FER1L5: variants seen among roughly 807,000 people sequenced by gnomAD.
FER1L5 encodes fer-1 like family member 5.
In FER1L5, 187 loss-of-function variants were observed where a neutral mutation model predicts 279.9. The observed-to-expected ratio is 0.67, with a 90% CI of 0.59 to 0.75. FER1L5 has a LOEUF of 0.75. FER1L5 is among the 30% of genes least tolerant of loss of function. The pLI is 0.00. For missense variants in FER1L5, 2,091 were observed against 2,594.4 expected (o/e 0.81, Z 4.21); for synonymous variants, 921 against 989.7 (o/e 0.93, Z 1.30).
Position 96,694,464 on chromosome 2 carries a change from G to A in FER1L5, c.3741G>A (p.Glu1247=). 1.9e-6 allele frequency: 3 copies of A among 1,541,796 alleles called. No individual in the cohort carries two copies. The highest frequency in any genetic ancestry group is 1.2e-5 in the South Asian group (1 of 82,234). The change falls in exon 34 of 53, where the codon GAG becomes GAA. Residue 1247 remains glutamate (E), a splice_region_variant and synonymous_variant. Transcript: ENST00000624922. The surrounding 1 kb of genome is among the most constrained non-coding windows in gnomAD (Gnocchi z 4.6). Reference sequence around the variant, plus strand: ...CCACGATAAAGAGGATGGCCATTGAGGTGCTGGCGATGTGGGATGGGGACG... The same window carrying A: ...CCACGATAAAGAGGATGGCCATTGAAGTGCTGGCGATGTGGGATGGGGACG... ...IQPTIKRMAI[E]ILAWGLRNMK...
At chr2:96,670,058 G>A in intron 17 of FER1L5, 61 bp from the exon 18 acceptor site, 1 of 1,546,124 alleles carries the variant, frequency 6.5e-7, no homozygotes, top group Non-Finnish European at 8.7e-7. Flanking sequence ...GGGTTTCAAA[G>A]GAGATTGGCC....
chr2:96,663,623 G>T, intron 14 of FER1L5, 116 bp downstream of exon 14: 1 of 1,132,830 alleles, frequency 8.8e-7, no homozygotes. Flanking sequence ...ATGGCAAGGG[G>T]GACTCTGCCT....
At position 96,646,418 on chromosome 2, in the gene FER1L5, C is replaced by G. The variant is rs933893005; in HGVS notation, c.103C>G (p.Arg35Gly). The G allele has an allele frequency of 6.4e-7, 1 of 1,551,684 alleles. No individual in the cohort carries two copies. Among genetic ancestry groups the G allele is most frequent in the South Asian group, 1.2e-5 (1 of 84,048 alleles). ...IDFRDIKKRT[R>G]VVEGNDPVWN... The stretch of plus-strand genomic sequence containing the variant: ...CTTTGCAGATATCAAGAAAAGAACT[C>G]GTGTGGTGGAAGGGAATGATCCCGT... Residue 35 changes from arginine to glycine, a missense_variant, in exon 2 of 53, where the codon CGT (arginine) becomes GGT (glycine). Coordinates refer to ENST00000624922, the MANE Select transcript of FER1L5 (RefSeq NM_001293083.2).
Position 96,694,087 on chromosome 2 carries a change from G to A in FER1L5, c.3636+15G>A, listed in dbSNP as rs1324673112. On this transcript the variant is annotated intron_variant, in intron 33 of 52. Coordinates refer to ENST00000624922, the MANE Select transcript of FER1L5 (RefSeq NM_001293083.2). The surrounding 1 kb of genome is among the most constrained non-coding windows in gnomAD (Gnocchi z 4.6). ...TCCAGACTGAGGTATTGGGAGAGAG[G>A]GCCTGGCTGGGAAGTGTGGCACTCA... 6.5e-7 allele frequency: 1 copy of A among 1,534,944 alleles called. No homozygotes were observed. Among genetic ancestry groups the A allele is most frequent in the Non-Finnish European group, 8.7e-7 (1 of 1,145,032 alleles).
intron 13 of FER1L5, 47 bp from the exon 14 acceptor site, chr2:96,663,392 G>A: frequency 2.0e-6 from 3 of 1,527,894 alleles, no homozygotes; most frequent in Non-Finnish European, 1.8e-6. Flanking sequence ...GGTCAGTGGA[G>A]GGAGGAGGGG....
chr2:96,652,775 A>G, intron 7 of FER1L5: 1 of 152,784 alleles, frequency 6.5e-6, no homozygotes, highest in Non-Finnish European at 1.5e-5. Context: ...TTTGGGAAAG[A>G]AGTTTCTGGC....
intron 30 of FER1L5, 59 bp downstream of exon 30, chr2:96,692,022 G>A (rs984473904): frequency 5.6e-6 from 8 of 1,433,014 alleles, no homozygotes; most frequent in East Asian, 2.5e-5. Flanking sequence ...CCGAGGGCGG[G>A]GGGGGGGGAC....
chr2:96,651,121 C>A (rs1314623238), intron 6 of FER1L5, among the ~76,000 whole-genome samples: 1 of 152,246 alleles, frequency 6.6e-6, no homozygotes, highest in Non-Finnish European at 1.5e-5. Flanking sequence ...TTTGCAATGG[C>A]TTCCCGGGCC....
At chr2:96,681,347 A>C (rs2076717995) in intron 19 of FER1L5, among the ~76,000 whole-genome samples, 1 of 152,118 alleles carries the variant, frequency 6.6e-6, no homozygotes, top group Non-Finnish European at 1.5e-5. Flanking sequence ...ACCGTGTCTC[A>C]ACCAATCAAT....
chr2:96,691,400 C>T lies in FER1L5; in HGVS notation c.2908-45C>T, dbSNP rs1221014322. On this transcript the variant is annotated intron_variant, in intron 28 of 52. Coordinates refer to ENST00000624922, the MANE Select transcript of FER1L5 (RefSeq NM_001293083.2). The surrounding 1 kb of genome is among the most constrained non-coding windows in gnomAD (Gnocchi z 6.0). ...TGGCTGGGACTGCGGGCAGGGCCGC[C>T]TTGGCTGCTGCAGGAACACAACCCT... is the stretch of plus-strand genomic sequence containing the variant. 6.5e-7 allele frequency: 1 copy of T among 1,536,490 alleles called. No homozygotes were observed. Among genetic ancestry groups the T allele is most frequent in the Non-Finnish European group, 8.8e-7 (1 of 1,137,380 alleles).
At position 96,668,731 on chromosome 2, in the gene FER1L5, C is replaced by T; in HGVS notation, c.1141-20C>T. On this transcript the variant is annotated intron_variant, in intron 14 of 52. Coordinates refer to ENST00000624922, the MANE Select transcript of FER1L5 (RefSeq NM_001293083.2). ...CCATCCCAATGTGTACCCACCGCAC[C>T]TCTCTCCTTCCCTCCACAGCTACCC... 1.3e-6 allele frequency: 2 copies of T among 1,551,436 alleles called. No homozygotes were observed. The highest frequency in any genetic ancestry group is 1.7e-6 in the Non-Finnish European group (2 of 1,146,898).
Position 96,702,026 on chromosome 2 carries a change from C to T in FER1L5, c.5142C>T (p.Asn1714=). 6.2e-7 allele frequency: 1 copy of T among 1,614,024 alleles called. No homozygotes were observed. Among genetic ancestry groups the T allele is most frequent in the Non-Finnish European group, 8.5e-7 (1 of 1,179,886 alleles). Residue 1714 remains asparagine, a synonymous_variant, in exon 46 of 53, where the codon AAC becomes AAT. Transcript: ENST00000624922. The surrounding 1 kb of genome is among the most constrained non-coding windows in gnomAD (Gnocchi z 4.0). ...LGPPGPQVNI[N]PRKPKRYELR... is the part of the protein sequence containing the mutation. ...CTCCTGGCCCCCAAGTCAACATCAA[C>T]CCCAGAAAGCCTAAACGGTGAGTGA...
Position 96,677,143 on chromosome 2 carries a change from A to G in FER1L5, c.1669+3889A>G, listed in dbSNP as rs114931817. Among the ~76,000 whole-genome samples the G allele has an allele frequency of 2.6e-3, 403 of 152,338 alleles. 4 individuals carry two copies. Among genetic ancestry groups the G allele is most frequent in the Non-Finnish European group, 4.1e-3 (280 of 68,036 alleles). On this transcript the variant is annotated intron_variant, in intron 19 of 52. Transcript: ENST00000624922. ...AGGCGTGGGCCACGATGCCCGTCCT[A>G]TCTTTGTTATACATTCTGGAATTGG...
At chr2:96,695,987 G>A in intron 36 of FER1L5, 65 bp from the exon 37 acceptor site, 3 of 1,605,830 alleles carry the variant, frequency 1.9e-6, no homozygotes, top group Non-Finnish European at 2.6e-6. Context: ...TACCCCGTGG[G>A]GTTGGTGCTT....
At chr2:96,682,289 G>C (rs187719234) in intron 19 of FER1L5, among the ~76,000 whole-genome samples, 114 of 151,950 alleles carry the variant, frequency 7.5e-4, no homozygotes, top group African/African-American at 2.5e-3. Flanking sequence ...ACAGAGTTTC[G>C]CCATGTTGGC....
intron 31 of FER1L5, among the ~76,000 whole-genome samples, 183 bp downstream of exon 31, chr2:96,692,364 A>G (rs1421946841): frequency 1.3e-5 from 2 of 152,196 alleles, no homozygotes; most frequent in African/African-American, 4.8e-5. Context: ...AGCAGTGTAA[A>G]GACAGGGGCA....
In FER1L5 at chr2:96,662,205, T is replaced by C. The variant is rs2106530386; in HGVS notation, c.1019-10T>C. The C allele has an allele frequency of 1.3e-6, 2 of 1,551,502 alleles. No homozygotes were observed. Among genetic ancestry groups the C allele is most frequent in the South Asian group, 1.2e-5 (1 of 84,050 alleles). On this transcript the variant is annotated splice_polypyrimidine_tract_variant and intron_variant, in intron 12 of 52. Transcript: ENST00000624922. ...GCTGGCTCAGATATCTTTTAACTTG[T>C]TGTTCATAGAGAAACACCAGTCAGT...
chr2:96,649,777 G>A, intron 5 of FER1L5, 100 bp downstream of exon 5: 1 of 1,177,396 alleles, frequency 8.5e-7, no homozygotes, highest in Admixed American at 2.1e-5. Flanking sequence ...AGCCCTTGAG[G>A]CCTACAGAAG....
chr2:96,645,327 A>T (rs1192108558), intron 1 of FER1L5, among the ~76,000 whole-genome samples: 1 of 152,182 alleles, frequency 6.6e-6, no homozygotes, highest in Non-Finnish European at 1.5e-5. Context: ...TGTGGCTGCA[A>T]AGTTAGCAGG....
Sources: allele counts gnomAD v4.1 joint callset (sites outside exome capture counted in the v4.1 genomes callset), GRCh38; gene constraint gnomAD v4.1.1; non-coding constraint Gnocchi (gnomAD v3.1); transcripts MANE v1.5; gene names NCBI Gene and HGNC (gene_info 2026-07-23, HGNC 2026-07-21).